NXPE2: variants seen among roughly 807,000 people sequenced by gnomAD.
NXPE2 encodes the protein NXPE family member 2.
NXPE2 carries 34 observed loss-of-function variants against 34.4 expected under a neutral mutation model. The observed-to-expected ratio is 0.99, with a 90% CI of 0.75 to 1.31. The LOEUF (loss-of-function observed/expected upper bound fraction) is 1.31. Among genes scored for constraint, NXPE2 ranks in the 40% most tolerant of loss-of-function variants. The pLI is 0.00. For synonymous variants in NXPE2, 235 were observed against 231.3 expected (o/e 1.02, Z -0.15); for missense variants, 649 against 672.5 (o/e 0.97, Z 0.39).
chr11:114,574,118 T>C, the NXPE2 span, among the ~76,000 whole-genome samples: 1 of 151,930 alleles, frequency 6.6e-6, no homozygotes, highest in Non-Finnish European at 1.5e-5. Context: ...GATCATTGAG[T>C]CAACAATAAA....
chr11:114,725,324 G>A, the NXPE2 span, among the ~76,000 whole-genome samples: 2 of 152,044 alleles, frequency 1.3e-5, no homozygotes, highest in African/African-American at 4.8e-5. Context: ...CCTGATATAA[G>A]TTGTTGGAAG....
the NXPE2 span, among the ~76,000 whole-genome samples, chr11:114,544,980 G>A: frequency 0.16 from 24,848 of 151,896 alleles, 2,277 homozygotes; most frequent in South Asian, 0.23. Flanking sequence ...AATTTTATTC[G>A]TCAGGGAGAC....
chr11:114,639,906 T>A, the NXPE2 span, among the ~76,000 whole-genome samples: 1 of 117,036 alleles, frequency 8.5e-6, no homozygotes. Context: ...ATATTAAATA[T>A]AAAATATAAT....
chr11:114,582,287 C>T, the NXPE2 span: 2 of 1,558,196 alleles, frequency 1.3e-6, no homozygotes, highest in Non-Finnish European at 1.7e-6. Flanking sequence ...ATTATTTTTA[C>T]CTTTCAAAGA....
At chr11:114,735,547 C>T in the NXPE2 span, among the ~76,000 whole-genome samples, 30 of 152,222 alleles carry the variant, frequency 2.0e-4, no homozygotes, top group African/African-American at 6.7e-4. Flanking sequence ...GAAGATAAAA[C>T]AAGATAAGGT....
the NXPE2 span, among the ~76,000 whole-genome samples, chr11:114,744,846 G>A: frequency 1.3e-5 from 2 of 152,064 alleles, no homozygotes; most frequent in Non-Finnish European, 1.5e-5. Context: ...TTATAAGTAC[G>A]AAGGCATGTT....
At chr11:114,584,452 A>G in the NXPE2 span, 1 of 206,854 alleles carries the variant, frequency 4.8e-6, no homozygotes, top group Non-Finnish European at 1.0e-5. Context: ...AATGAAGAAG[A>G]CCCTGACAAG....
chr11:114,642,304 G>A, the NXPE2 span, among the ~76,000 whole-genome samples: 1 of 152,008 alleles, frequency 6.6e-6, no homozygotes, highest in Non-Finnish European at 1.5e-5. Flanking sequence ...CTGACCATGA[G>A]CAGTGGTTTG....
the NXPE2 span, among the ~76,000 whole-genome samples, chr11:114,531,778 C>T: frequency 7.2e-5 from 11 of 152,272 alleles, no homozygotes; most frequent in Non-Finnish European, 1.3e-4. Context: ...CCCCAAACCA[C>T]CTAAACATCT....
At chr11:114,522,942 T>C in the NXPE2 span, 1 of 1,613,074 alleles carries the variant, frequency 6.2e-7, no homozygotes, top group Non-Finnish European at 8.5e-7. Context: ...AGGAGGTAAA[T>C]GAGTTTGCCT....
chr11:114,612,565 C>T, the NXPE2 span, among the ~76,000 whole-genome samples: 3 of 151,906 alleles, frequency 2.0e-5, no homozygotes, highest in African/African-American at 4.8e-5. Context: ...CATGGGTAAC[C>T]ACTGTTACCC....
chr11:114,654,370 A>G, the NXPE2 span, among the ~76,000 whole-genome samples: 1 of 152,256 alleles, frequency 6.6e-6, no homozygotes, highest in East Asian at 1.9e-4. Context: ...CTAAAAAAAA[A>G]ATGGGATACA....
At chr11:114,769,610 A>C in the NXPE2 span, among the ~76,000 whole-genome samples, 18 of 152,354 alleles carry the variant, frequency 1.2e-4, no homozygotes, top group African/African-American at 4.3e-4. Context: ...GCACATATAC[A>C]CCATGGAATA....
downstream of NXPE2, among the ~76,000 whole-genome samples, chr11:114,708,873 A>C (rs564073336): frequency 2.0e-5 from 3 of 152,304 alleles, no homozygotes; most frequent in East Asian, 5.8e-4. Context: ...GACCATCTCA[A>C]ATTCCTTCAA....
chr11:114,778,555 A>G, the NXPE2 span, among the ~76,000 whole-genome samples: 1 of 152,158 alleles, frequency 6.6e-6, no homozygotes, highest in Non-Finnish European at 1.5e-5. Context: ...TGGTGGCAGT[A>G]GAGAAGAGGA....
chr11:114,792,140 T>C, the NXPE2 span, among the ~76,000 whole-genome samples: 17 of 152,322 alleles, frequency 1.1e-4, no homozygotes, highest in East Asian at 3.1e-3. Flanking sequence ...AATGGCTTTG[T>C]AAAGTTCCAT....
chr11:114,523,781 C>A, the NXPE2 span, among the ~76,000 whole-genome samples: 25 of 152,280 alleles, frequency 1.6e-4, no homozygotes, highest in African/African-American at 5.8e-4. Context: ...TTTCTCCTGT[C>A]ATGTTTCCTT....
At chr11:114,622,732 G>C in the NXPE2 span, among the ~76,000 whole-genome samples, 1 of 151,610 alleles carries the variant, frequency 6.6e-6, no homozygotes, top group African/African-American at 2.4e-5. Flanking sequence ...TCCCTCGTGT[G>C]TAACCACTGT....
chr11:114,765,737 C>T, the NXPE2 span, among the ~76,000 whole-genome samples: 83 of 152,294 alleles, frequency 5.4e-4, no homozygotes, highest in African/African-American at 1.6e-3. Context: ...CTCCTCCTAT[C>T]CTCTGAGATT....
Sources: gnomAD v4.1 joint callset for allele counts (sites outside exome capture counted in the v4.1 genomes callset) on GRCh38, gnomAD v4.1.1 for gene constraint, MANE v1.5 for transcripts, NCBI Gene and HGNC (gene_info 2026-07-23, HGNC 2026-07-21) for gene names.